Variants in LRP1B observed in about 807,000 individuals in gnomAD.
LRP1B encodes the protein low-density lipoprotein receptor-related protein 1B.
LRP1B carries 217 observed loss-of-function variants against 556.6 expected under a neutral mutation model. The ratio of observed to expected loss-of-function variants is 0.39; its 90% CI spans 0.35 to 0.44. The LOEUF (loss-of-function observed/expected upper bound fraction) is 0.44, where lower values mean the gene tolerates loss of function less well. LRP1B is among the 20% of genes least tolerant of loss of function. The pLI is 1.00. For synonymous variants in LRP1B, 2,047 were observed against 1,865.8 expected (o/e 1.10, Z -2.50); for missense variants, 5,053 against 5,620.8 (o/e 0.90, Z 3.23).
At chr2:141,086,656 GTGTC>G (rs1461664256) in intron 7 of LRP1B, among the ~76,000 whole-genome samples, 1 of 122,564 alleles carries the variant, frequency 8.2e-6, no homozygotes, top group Admixed American at 8.6e-5. Context: ...GTGTGTGTGT[GTGTC>G]AGTCAAGAAC....
At chr2:141,686,829 G>A (rs1480586952) in intron 2 of LRP1B, among the ~76,000 whole-genome samples, 1 of 151,826 alleles carries the variant, frequency 6.6e-6, no homozygotes, top group African/African-American at 2.4e-5. Flanking sequence ...GGAACTGGTG[G>A]CTTTATAGGA....
chr2:140,609,653 A>G (rs1411937689), intron 41 of LRP1B, among the ~76,000 whole-genome samples: 1 of 152,154 alleles, frequency 6.6e-6, no homozygotes, highest in Non-Finnish European at 1.5e-5. Context: ...TCGTCTTTCA[A>G]TCTTCTCTTT....
intron 3 of LRP1B, among the ~76,000 whole-genome samples, chr2:141,479,185 A>G (rs1682822426): frequency 6.6e-6 from 1 of 152,092 alleles, no homozygotes; most frequent in African/African-American, 2.4e-5. Context: ...TTGTTCTAAG[A>G]TTTATGCTTT....
chr2:141,187,172 A>G (rs1681297840), intron 7 of LRP1B, among the ~76,000 whole-genome samples: 1 of 152,102 alleles, frequency 6.6e-6, no homozygotes, highest in East Asian at 1.9e-4. Context: ...TTGAAGCATC[A>G]CTGCAGTCAG....
intron 7 of LRP1B, among the ~76,000 whole-genome samples, chr2:141,070,460 C>A (rs918376723): frequency 6.6e-6 from 1 of 151,644 alleles, no homozygotes; most frequent in Non-Finnish European, 1.5e-5. Context: ...AAAGCAAGAG[C>A]AAACACATTC....
chr2:141,920,287 G>A (rs1187388821), intron 1 of LRP1B, among the ~76,000 whole-genome samples: 3 of 133,142 alleles, frequency 2.3e-5, no homozygotes, highest in East Asian at 2.4e-4. Context: ...TTTGGGGGGG[G>A]GTGGTAGGGA....
At chr2:141,063,661 T>C (rs547072674) in intron 7 of LRP1B, among the ~76,000 whole-genome samples, 1 of 151,922 alleles carries the variant, frequency 6.6e-6, no homozygotes, top group Non-Finnish European at 1.5e-5. Flanking sequence ...GCTTCCATCC[T>C]GCATCTCTGT....
chr2:141,361,066 G>A (rs1002741875), intron 3 of LRP1B, among the ~76,000 whole-genome samples: 3 of 152,016 alleles, frequency 2.0e-5, no homozygotes, highest in Non-Finnish European at 4.4e-5. Context: ...TTAGGTAATG[G>A]ATGCTAAAAG....
rs7604293 is a variant in LRP1B at position 140,554,882 on chromosome 2, G to A, written c.7195-12911C>T. On this transcript the variant is annotated intron_variant, in intron 43 of 90. Transcript: ENST00000389484. ...TGTGTGTGTGTGTGTGTGTGTGTGT[G>A]TGTATATGTATATGAACTACTAGCT... 1.3e-4 allele frequency among the ~76,000 whole-genome samples: 10 copies of A among 78,940 alleles called. No individual in the cohort carries two copies. In the East Asian group the frequency reaches 1.5e-3, roughly 12 times the overall value. The allele number at this position is 78,940 out of a possible 152,430, so 51.8% of individuals were successfully genotyped here.
At chr2:141,128,812 T>C (rs975279867) in intron 7 of LRP1B, among the ~76,000 whole-genome samples, 14 of 152,094 alleles carry the variant, frequency 9.2e-5, no homozygotes, top group Admixed American at 4.6e-4. Flanking sequence ...TTTAACAAAA[T>C]TGTAAACATT....
At chr2:140,339,208 T>C (rs1057019355) in intron 77 of LRP1B, among the ~76,000 whole-genome samples, 2 of 151,752 alleles carry the variant, frequency 1.3e-5, no homozygotes, top group African/African-American at 4.8e-5. Flanking sequence ...TTTAAATTAC[T>C]AATCCTTTAT....
chr2:141,826,246 T>C (rs1271769758), intron 1 of LRP1B, among the ~76,000 whole-genome samples: 2 of 150,998 alleles, frequency 1.3e-5, no homozygotes, highest in Non-Finnish European at 2.9e-5. Flanking sequence ...TATTCCCATT[T>C]TACTTAAATA....
chr2:141,987,904 CAA>C (rs1491023766), intron 1 of LRP1B, among the ~76,000 whole-genome samples: 1 of 37,038 alleles, frequency 2.7e-5, no homozygotes, highest in Non-Finnish European at 5.3e-5. Flanking sequence ...GTCTGTAAAG[CAA>C]TGATTTCATA....
chr2:141,059,909 C>T (rs1334544994), intron 8 of LRP1B, among the ~76,000 whole-genome samples: 2 of 151,764 alleles, frequency 1.3e-5, no homozygotes, highest in Non-Finnish European at 2.9e-5. Context: ...TTAAATGGTT[C>T]TGTTCCAGGG....
rs529906825 is a variant in LRP1B, at chr2:141,304,881, C to G, written c.344-50240G>C. Among the ~76,000 whole-genome samples, 5 of 152,210 alleles carry G rather than the reference C, an allele frequency of 3.3e-5. No homozygotes were observed. In the East Asian group the frequency reaches 9.7e-4, roughly 29 times the overall value. On this transcript the variant is annotated intron_variant, in intron 3 of 90. Transcript: ENST00000389484. The stretch of plus-strand genomic sequence containing the variant: ...AGGGTATCTTTCCTTGATGTTTCTT[C>G]TTAGCACCTTTGTCAAAAATCAGTT...
intron 1 of LRP1B, among the ~76,000 whole-genome samples, chr2:141,919,231 C>T (rs1232298470): frequency 1.3e-5 from 2 of 151,966 alleles, no homozygotes; most frequent in Non-Finnish European, 2.9e-5. Context: ...ATAGAGATGG[C>T]TTACAAGCAT....
chr2:140,447,293 G>A (rs1237179296), intron 63 of LRP1B, among the ~76,000 whole-genome samples: 3 of 151,994 alleles, frequency 2.0e-5, no homozygotes, highest in African/African-American at 2.4e-5. Context: ...ATACGGTCCA[G>A]CAATCCCACT....
chr2:141,605,904 C>T (rs16855061), intron 2 of LRP1B, among the ~76,000 whole-genome samples: 13,223 of 151,654 alleles, frequency 0.087, 724 homozygotes, highest in South Asian at 0.2. Flanking sequence ...CATTCAGCTG[C>T]TTTCATTTTT....
At chr2:140,878,578 T>A (rs1693378831) in intron 25 of LRP1B, among the ~76,000 whole-genome samples, 1 of 152,078 alleles carries the variant, frequency 6.6e-6, no homozygotes, top group Admixed American at 6.6e-5. Flanking sequence ...AGACAACAGG[T>A]TGTTATTTGT....
Sources: allele counts gnomAD v4.1 joint callset (sites outside exome capture counted in the v4.1 genomes callset), GRCh38; gene constraint gnomAD v4.1.1; transcripts MANE v1.5; gene names NCBI Gene and HGNC (gene_info 2026-07-23, HGNC 2026-07-21).